Variants in IFFO2 observed in about 807,000 individuals in gnomAD.
The protein encoded by IFFO2 is intermediate filament family orphan 2.
Under a neutral mutation model 53.5 loss-of-function variants are expected in IFFO2, and 19 were observed. The ratio of observed to expected loss-of-function variants is 0.36; its 90% CI spans 0.25 to 0.52. The LOEUF is 0.52. Ranked by LOEUF, IFFO2 falls within the 20% of genes least tolerant of loss-of-function variation. The pLI is 0.94. For synonymous variants in IFFO2, 303 were observed against 313.6 expected, an observed-to-expected ratio of 0.97 and a Z score of 0.36; for missense variants, 570 against 727.4, an observed-to-expected ratio of 0.78 and a Z score of 2.49.
rs934620478 is a variant in IFFO2, at chr1:18,936,281, C to T, written c.666-15160G>A. On this transcript the variant is annotated intron_variant, in intron 1 of 8. Transcript: ENST00000455833. The surrounding 1 kb of genome is among the most constrained non-coding windows in gnomAD (Gnocchi z 4.5). ...AACTCTGCTACTCTCTTCTCTGCAC[C>T]TTGAAGCCTGGGCCTACCTTGCATG... is the stretch of plus-strand genomic sequence containing the variant. Among the ~76,000 whole-genome samples, 7 of 152,198 alleles carry T rather than the reference C, an allele frequency of 4.6e-5. No individual in the cohort carries two copies. Among genetic ancestry groups the T allele is most frequent in the East Asian group, 1.9e-4 (1 of 5,192 alleles).
At position 18,920,156 on chromosome 1, in the gene IFFO2, G is replaced by A. The variant is rs554745821; in HGVS notation, c.727-383C>T. ...TAACATGCGTCTGAAGAGCGTGGGT[G>A]TGTGTCCACACAGACAAGATCGGAA... On this transcript the variant is annotated intron_variant, in intron 2 of 8. Coordinates refer to ENST00000455833, the MANE Select transcript of IFFO2 (RefSeq NM_001136265.2). Among the ~76,000 whole-genome samples the A allele has an allele frequency of 2.6e-4, 40 of 152,334 alleles. No homozygotes were observed. In the South Asian group the frequency reaches 8.1e-3, roughly 31 times the overall value.
At chr1:18,912,164 G>T in intron 5 of IFFO2, 81 bp from the exon 6 acceptor site, 1 of 1,516,218 alleles carries the variant, frequency 6.6e-7, no homozygotes. Context: ...AGGGGCAGCT[G>T]CCCAGCAGGT....
chr1:18,930,167 C>T (rs998986659), intron 1 of IFFO2, among the ~76,000 whole-genome samples: 4 of 152,150 alleles, frequency 2.6e-5, no homozygotes, highest in African/African-American at 9.7e-5. Context: ...GGGGTTTTGC[C>T]CACATTCCAT....
rs1936251482 is a variant in IFFO2, at chr1:18,924,160, G to A, written c.666-3039C>T. 1.3e-5 allele frequency among the ~76,000 whole-genome samples: 2 copies of A among 152,236 alleles called. 1 individual carries two copies. Among genetic ancestry groups the A allele is most frequent in the Non-Finnish European group, 2.9e-5 (2 of 68,034 alleles). On this transcript the variant is annotated intron_variant, in intron 1 of 8. Coordinates refer to ENST00000455833, the MANE Select transcript of IFFO2 (RefSeq NM_001136265.2). ...AGAAAACCTGGCTCCGCCAGCTCCAGTGTTGACAATGCAGAAAAGCTCTGT... is the reference window on the plus strand; with the variant it reads ...AGAAAACCTGGCTCCGCCAGCTCCAATGTTGACAATGCAGAAAAGCTCTGT...
At chr1:18,952,288 T>C (rs1936668820) in intron 1 of IFFO2, among the ~76,000 whole-genome samples, 3 of 152,158 alleles carry the variant, frequency 2.0e-5, no homozygotes, top group Admixed American at 6.5e-5. Flanking sequence ...GGTAAAGACC[T>C]GGTTGGGCCA....
At position 18,911,399 on chromosome 1, in the gene IFFO2, C is replaced by A; in HGVS notation, c.1302G>T (p.Thr434=). 1 of 1,519,342 alleles carries A rather than the reference C, an allele frequency of 6.6e-7. No individual in the cohort carries two copies. The highest frequency in any genetic ancestry group is 1.3e-5 in the South Asian group (1 of 78,316). 94.1% of individuals were successfully genotyped at this position (1,519,342 alleles called of 1,614,324 possible). A position where few individuals can be genotyped will look rare whatever the true frequency, so the allele number is the denominator to read the frequency against. Residue 434 remains threonine, a synonymous_variant, in exon 7 of 9, where the codon ACG becomes ACT. Transcript: ENST00000455833. ...GAGCCCTCACCTCGATCTGACCTAT[C>A]GTTTCCTGGTACTCCTTGTCTCTCG... ...FKTRDKEYQE[T]IGQIELELAT... is the part of the protein sequence containing the mutation.
At chr1:18,941,413 C>A (rs1396845749) in intron 1 of IFFO2, among the ~76,000 whole-genome samples, 1 of 152,224 alleles carries the variant, frequency 6.6e-6, no homozygotes, top group Non-Finnish European at 1.5e-5. Flanking sequence ...ACAGATGAAA[C>A]CCTAAACCAG....
intron 5 of IFFO2, among the ~76,000 whole-genome samples, chr1:18,912,288 C>T (rs1936053168): frequency 6.8e-6 from 1 of 147,642 alleles, no homozygotes; most frequent in Admixed American, 7.0e-5. Context: ...TTATGTATTG[C>T]TTGTACAATT....
intron 1 of IFFO2, among the ~76,000 whole-genome samples, chr1:18,940,155 C>G (rs1284480822): frequency 6.6e-6 from 1 of 152,186 alleles, no homozygotes; most frequent in East Asian, 1.9e-4. Flanking sequence ...CTAGAAGTCT[C>G]TCAGAACAGA....
chr1:18,956,122 C>T lies in IFFO2; in HGVS notation c.211G>A (p.Val71Met). 1 of 1,510,388 alleles carries T rather than the reference C, an allele frequency of 6.6e-7. No individual in the cohort carries two copies. The highest frequency in any genetic ancestry group is 8.9e-7 in the Non-Finnish European group (1 of 1,122,822). The allele number at this position is 1,510,388 out of a possible 1,614,324, so 93.6% of individuals were successfully genotyped here. A position where few individuals can be genotyped will look rare whatever the true frequency, so the allele number is the denominator to read the frequency against. ...NVRFRCFLAK[V>M]HELERRNRLL... The stretch of plus-strand genomic sequence containing the variant: ...CGGTTGCGCCGCTCCAGCTCGTGCA[C>T]CTTAGCCAGGAAGCAGCGGAAGCGC... The change falls in exon 1 of 9, where the codon GTG (valine) becomes ATG (methionine). Residue 71 changes from valine (V) to methionine (M), a missense_variant. Val to Met is a conservative substitution (Grantham distance 21). Coordinates refer to ENST00000455833, the MANE Select transcript of IFFO2 (RefSeq NM_001136265.2). This position sits in a 1 kb window ranked among gnomAD's most constrained non-coding sequence, Gnocchi z 6.4.
In IFFO2 at chr1:18,917,826, C is replaced by T. The variant is rs965483066; in HGVS notation, c.963+536G>A. On this transcript the variant is annotated intron_variant, in intron 4 of 8. Coordinates refer to ENST00000455833, the MANE Select transcript of IFFO2 (RefSeq NM_001136265.2). This position sits in a 1 kb window ranked among gnomAD's most constrained non-coding sequence, Gnocchi z 5.9. The stretch of plus-strand genomic sequence containing the variant: ...TCGCCGTCTCTCGGGGGCACCCACA[C>T]TTGCACGTTAGGTCGGGGGGGTATC... Among the ~76,000 whole-genome samples the T allele has an allele frequency of 6.6e-6, 1 of 152,218 alleles. No individual in the cohort carries two copies. Among genetic ancestry groups the T allele is most frequent in the African/African-American group, 2.4e-5 (1 of 41,460 alleles).
chr1:18,938,637 C>T (rs1477842729), intron 1 of IFFO2, among the ~76,000 whole-genome samples: 4 of 152,184 alleles, frequency 2.6e-5, no homozygotes. Context: ...TTGAGCCCAT[C>T]CCTGCACCTC....
At chr1:18,950,441 T>A (rs4912117) in intron 1 of IFFO2, among the ~76,000 whole-genome samples, 120,547 of 152,102 alleles carry the variant, frequency 0.79, 48,811 homozygotes, top group East Asian at 0.96. Context: ...TCCTTCTCAA[T>A]CCCTGGGAGA....
At position 18,910,421 on chromosome 1, in the gene IFFO2, TGTACTC is replaced by T. The variant is rs762110923; in HGVS notation, c.1363_1368del (p.Glu455_Tyr456del). ...CCTCGCTTCATGCTGCACATCTCCA[TGTACTC>T]GTGCAGGTGTCGGTTCATGTCACTT... is the stretch of plus-strand genomic sequence containing the variant. On this transcript the variant is annotated inframe_deletion, in exon 8 of 9. Transcript: ENST00000455833. 1.2e-6 allele frequency: 2 copies of T among 1,614,078 alleles called. No individual in the cohort carries two copies. The highest frequency in any genetic ancestry group is 1.7e-6 in the Non-Finnish European group (2 of 1,179,958).
At chr1:18,949,710 T>A (rs1384667739) in intron 1 of IFFO2, among the ~76,000 whole-genome samples, 1 of 152,176 alleles carries the variant, frequency 6.6e-6, no homozygotes. Flanking sequence ...TCAAACACGG[T>A]CATGTGTGGG....
rs1407670532 is a variant in IFFO2, at chr1:18,928,759, C to T, written c.666-7638G>A. Among the ~76,000 whole-genome samples the T allele has an allele frequency of 6.6e-6, 1 of 152,264 alleles. No homozygotes were observed. Among genetic ancestry groups the T allele is most frequent in the Non-Finnish European group, 1.5e-5 (1 of 68,044 alleles). On this transcript the variant is annotated intron_variant, in intron 1 of 8. Transcript: ENST00000455833. This position sits in a 1 kb window ranked among gnomAD's most constrained non-coding sequence, Gnocchi z 4.9. ...GCATGACCCTGAGCAAGTCCCTTCT[C>T]TGCCCTGGGCCTCAGTCTCCCCATC...
At chr1:18,934,170 C>T (rs990902893) in intron 1 of IFFO2, among the ~76,000 whole-genome samples, 1 of 145,892 alleles carries the variant, frequency 6.9e-6, no homozygotes, top group Non-Finnish European at 1.5e-5. Flanking sequence ...TGGGCTCAAG[C>T]AATCCCCCTG....
In IFFO2 at chr1:18,956,126, A is replaced by C; in HGVS notation, c.207T>G (p.Ala69=). 6.6e-7 allele frequency: 1 copy of C among 1,507,716 alleles called. No homozygotes were observed. The highest frequency in any genetic ancestry group is 1.7e-4 in the Middle Eastern group (1 of 5,750). The allele number at this position is 1,507,716 out of a possible 1,614,324, so 93.4% of individuals were successfully genotyped here. The change falls in exon 1 of 9, where the codon GCT becomes GCG. Residue 69 remains alanine, a synonymous_variant. Transcript: ENST00000455833. The surrounding 1 kb of genome is among the most constrained non-coding windows in gnomAD (Gnocchi z 6.4). The part of the protein sequence containing the change: ...GLNVRFRCFL[A]KVHELERRNR... ...TGCGCCGCTCCAGCTCGTGCACCTTAGCCAGGAAGCAGCGGAAGCGCACGT... is the reference window on the plus strand; with the variant it reads ...TGCGCCGCTCCAGCTCGTGCACCTTCGCCAGGAAGCAGCGGAAGCGCACGT...
chr1:18,954,948 G>C (rs1427131848), intron 1 of IFFO2, among the ~76,000 whole-genome samples: 1 of 152,210 alleles, frequency 6.6e-6, no homozygotes, highest in Non-Finnish European at 1.5e-5. Flanking sequence ...GGGGAGAAGA[G>C]GGATGAAAGG....
Sources: gnomAD v4.1 joint callset for allele counts (sites outside exome capture counted in the v4.1 genomes callset) on GRCh38, gnomAD v4.1.1 for gene constraint, Gnocchi (gnomAD v3.1) non-coding constraint, MANE v1.5 for transcripts, NCBI Gene and HGNC (gene_info 2026-07-23, HGNC 2026-07-21) for gene names.